Variants in CNTN4 observed in about 807,000 individuals in gnomAD.
The protein encoded by CNTN4 is contactin 4.
A neutral mutation model predicts 122.5 loss-of-function variants in CNTN4; 77 were observed. The ratio of observed to expected loss-of-function variants is 0.63; its 90% CI spans 0.52 to 0.76. The LOEUF (loss-of-function observed/expected upper bound fraction) is 0.76. CNTN4 is among the 30% of genes least tolerant of loss of function. The probability of loss-of-function intolerance (pLI) is 0.00; values close to 1 mark genes in which losing one functional copy is unlikely to be tolerated. For synonymous variants in CNTN4, 512 were observed against 447.0 expected, an observed-to-expected ratio of 1.15 and a Z score of -1.83; for missense variants, 1,256 against 1,259.1, an observed-to-expected ratio of 1.00 and a Z score of 0.04.
intron 4 of CNTN4, among the ~76,000 whole-genome samples, chr3:2,573,369 T>C (rs1447337837): frequency 6.6e-6 from 1 of 152,164 alleles, no homozygotes; most frequent in Non-Finnish European, 1.5e-5. Flanking sequence ...TATTATTTAT[T>C]TCCCCCATCT....
chr3:2,577,316 G>A (rs532181911), intron 4 of CNTN4, among the ~76,000 whole-genome samples: 4 of 152,310 alleles, frequency 2.6e-5, no homozygotes, highest in African/African-American at 9.6e-5. Flanking sequence ...AGAGATGATT[G>A]GAGAGTTGAC....
intron 4 of CNTN4, among the ~76,000 whole-genome samples, chr3:2,647,593 G>A (rs1419296780): frequency 6.6e-6 from 1 of 151,938 alleles, no homozygotes; most frequent in African/African-American, 2.4e-5. Flanking sequence ...AGAGACCTAG[G>A]CTTACACCTC....
At chr3:2,936,464 A>G (rs1353989406) in intron 13 of CNTN4, among the ~76,000 whole-genome samples, 3 of 152,208 alleles carry the variant, frequency 2.0e-5, no homozygotes, top group African/African-American at 7.2e-5. Flanking sequence ...ATGACAACGT[A>G]GCAGTGGCTT....
At chr3:2,234,165 G>T (rs567694245) in intron 2 of CNTN4, among the ~76,000 whole-genome samples, 5 of 152,044 alleles carry the variant, frequency 3.3e-5, no homozygotes, top group Admixed American at 3.3e-4. Context: ...GATCACTTGA[G>T]GTCAGGAGTT....
intron 2 of CNTN4, among the ~76,000 whole-genome samples, chr3:2,108,076 C>A (rs1157321937): frequency 6.6e-6 from 1 of 152,056 alleles, no homozygotes; most frequent in African/African-American, 2.4e-5. Context: ...TCTTTTCCAG[C>A]ATCACTTCCC....
rs866461030 is a variant in CNTN4 at position 2,465,237 on chromosome 3, A to C, written c.-88-106179A>C. ...GGGCATGATTCCTGATGAGGACTTC[A>C]GTGAGGCAGACAACCATGAAGACTA... On this transcript the variant is annotated intron_variant, in intron 3 of 24. Transcript: ENST00000418658. 2.6e-5 allele frequency among the ~76,000 whole-genome samples: 4 copies of C among 152,224 alleles called. No homozygotes were observed. In the South Asian group the frequency reaches 8.3e-4, roughly 31 times the overall value.
At chr3:2,574,085 G>A (rs896735254) in intron 4 of CNTN4, among the ~76,000 whole-genome samples, 6 of 152,236 alleles carry the variant, frequency 3.9e-5, no homozygotes, top group East Asian at 1.9e-4. Context: ...GCATGGTGGT[G>A]TATGCCTGTA....
chr3:2,222,427 G>A (rs1720214), intron 2 of CNTN4, among the ~76,000 whole-genome samples: 92,433 of 151,870 alleles, frequency 0.61, 29,158 homozygotes, highest in African/African-American at 0.74. Context: ...AGAAAACATG[G>A]GAGTAAATGT....
intron 3 of CNTN4, among the ~76,000 whole-genome samples, chr3:2,405,595 G>GTAGATAGGTAGA (rs1294347755): frequency 1.4e-3 from 214 of 150,104 alleles, no homozygotes; most frequent in Middle Eastern, 3.4e-3. Context: ...TTATAGATAG[G>GTAGATAGGTAGA]TAGATAGATA....
chr3:2,230,380 G>T (rs2039439249), intron 2 of CNTN4, among the ~76,000 whole-genome samples: 1 of 152,162 alleles, frequency 6.6e-6, no homozygotes, highest in African/African-American at 2.4e-5. Context: ...TTGCAGATAA[G>T]AAGAGGGACT....
chr3:2,536,200 T>C (rs2077798270), intron 3 of CNTN4, among the ~76,000 whole-genome samples: 1 of 152,192 alleles, frequency 6.6e-6, no homozygotes, highest in African/African-American at 2.4e-5. Context: ...TTTATATATC[T>C]GGGAACCTTT....
At chr3:2,833,497 G>T (rs1295663228) in intron 7 of CNTN4, among the ~76,000 whole-genome samples, 1 of 152,064 alleles carries the variant, frequency 6.6e-6, no homozygotes, top group Non-Finnish European at 1.5e-5. Context: ...TGTATGTATT[G>T]TTTTATTGTT....
At chr3:2,728,330 G>A (rs1487156250) in intron 4 of CNTN4, among the ~76,000 whole-genome samples, 3 of 152,136 alleles carry the variant, frequency 2.0e-5, no homozygotes, top group African/African-American at 7.2e-5. Context: ...CTAATCATTA[G>A]GAAGCCTGGA....
At chr3:2,587,507 C>T (rs2080255455) in intron 4 of CNTN4, among the ~76,000 whole-genome samples, 1 of 152,124 alleles carries the variant, frequency 6.6e-6, no homozygotes, top group South Asian at 2.1e-4. Flanking sequence ...TCTTGGATAC[C>T]GTCTTTGGGA....
chr3:2,961,359 T>A (rs2094857358), intron 13 of CNTN4, among the ~76,000 whole-genome samples: 1 of 151,954 alleles, frequency 6.6e-6, no homozygotes, highest in African/African-American at 2.4e-5. Flanking sequence ...GTCTTGTTAT[T>A]TTAAGCAACT....
chr3:2,260,340 TATC>T (rs1466619780), intron 2 of CNTN4, among the ~76,000 whole-genome samples: 2 of 152,054 alleles, frequency 1.3e-5, no homozygotes, highest in Non-Finnish European at 2.9e-5. Context: ...TTTCAGGCAT[TATC>T]ATTTTTTTTT....
chr3:2,105,831 C>T (rs1458987506), intron 2 of CNTN4, among the ~76,000 whole-genome samples: 1 of 152,156 alleles, frequency 6.6e-6, no homozygotes, highest in African/African-American at 2.4e-5. Context: ...AGTCCACAGT[C>T]CAAAGTCTCA....
At chr3:2,357,326 G>C (rs980384285) in intron 3 of CNTN4, among the ~76,000 whole-genome samples, 1 of 152,180 alleles carries the variant, frequency 6.6e-6, no homozygotes, top group African/African-American at 2.4e-5. Flanking sequence ...ACTTGCTTAA[G>C]GACAATATAG....
chr3:2,662,585 C>G (rs2150304653), intron 4 of CNTN4, among the ~76,000 whole-genome samples: 1 of 152,282 alleles, frequency 6.6e-6, no homozygotes, highest in East Asian at 1.9e-4. Flanking sequence ...TGGGCTACTT[C>G]TGGGTCCTGC....
Sources: allele counts gnomAD v4.1 joint callset (sites outside exome capture counted in the v4.1 genomes callset), GRCh38; gene constraint gnomAD v4.1.1; transcripts MANE v1.5; gene names NCBI Gene and HGNC (gene_info 2026-07-23, HGNC 2026-07-21).